Variants in UNC5C observed in about 807,000 individuals in gnomAD.
UNC5C encodes netrin receptor UNC5C.
Under a neutral mutation model 99.8 loss-of-function variants are expected in UNC5C, and 47 were observed. That is an observed-to-expected ratio of 0.47 (90% CI 0.37 to 0.60). The LOEUF is 0.60. Ranked by LOEUF, UNC5C falls within the 20% of genes least tolerant of loss-of-function variation. The probability of loss-of-function intolerance (pLI) is 0.00; values close to 1 mark genes in which losing one functional copy is unlikely to be tolerated. For missense variants in UNC5C, 1,062 were observed against 1,165.9 expected, an observed-to-expected ratio of 0.91 and a Z score of 1.30; for synonymous variants, 487 against 452.2, an observed-to-expected ratio of 1.08 and a Z score of -0.98.
chr4:95,399,661 C>T (rs908040435), intron 1 of UNC5C, among the ~76,000 whole-genome samples: 9 of 152,190 alleles, frequency 5.9e-5, no homozygotes, highest in Admixed American at 5.2e-4. Context: ...CTCAAGTTTT[C>T]TTCCTCTTGA....
At chr4:95,419,935 T>A (rs1746271492) in intron 1 of UNC5C, among the ~76,000 whole-genome samples, 1 of 152,192 alleles carries the variant, frequency 6.6e-6, no homozygotes, top group Non-Finnish European at 1.5e-5. Flanking sequence ...AGGATGGATA[T>A]TTTTTACAAT....
At chr4:95,286,604 G>A (rs1182246723) in intron 3 of UNC5C, among the ~76,000 whole-genome samples, 1 of 152,178 alleles carries the variant, frequency 6.6e-6, no homozygotes, top group African/African-American at 2.4e-5. Context: ...CAGGACTTGA[G>A]TTTCATATGT....
Position 95,241,368 on chromosome 4 carries a change from A to G in UNC5C, c.1108+1061T>C, listed in dbSNP as rs151103831. Among the ~76,000 whole-genome samples the G allele has an allele frequency of 6.1e-3, 936 of 152,344 alleles. 6 individuals carry two copies. The highest frequency in any genetic ancestry group is 0.022 in the African/African-American group (897 of 41,570). ...TGGATTTTTATTCTGTGTGAGCAAC[A>G]TAATTGTTTATTTGTATTTTAAGTA... On this transcript the variant is annotated intron_variant, in intron 7 of 15. Coordinates refer to ENST00000453304, the MANE Select transcript of UNC5C (RefSeq NM_003728.4).
At chr4:95,287,341 T>G (rs1741273770) in intron 3 of UNC5C, among the ~76,000 whole-genome samples, 1 of 152,206 alleles carries the variant, frequency 6.6e-6, no homozygotes, top group African/African-American at 2.4e-5. Context: ...AGAAAAAGCT[T>G]CTTGATGGCT....
chr4:95,234,782 A>G (rs1384073792), intron 7 of UNC5C, among the ~76,000 whole-genome samples: 4 of 152,208 alleles, frequency 2.6e-5, no homozygotes, highest in Admixed American at 2.6e-4. Flanking sequence ...AGTGTAATAC[A>G]TATATATTAT....
chr4:95,248,578 A>C (rs1401966730), intron 5 of UNC5C: 1 of 455,904 alleles, frequency 2.2e-6, no homozygotes, highest in South Asian at 1.6e-5. Context: ...AAGAGACAGG[A>C]CTAGCAGAGT....
At chr4:95,216,260 A>C in intron 9 of UNC5C, 49 bp from the exon 10 acceptor site, 1 of 1,471,992 alleles carries the variant, frequency 6.8e-7, no homozygotes, top group Non-Finnish European at 9.4e-7. Context: ...TGCAGCACGT[A>C]AAAGGGAATG....
chr4:95,451,317 T>G (rs1747273685), intron 1 of UNC5C, among the ~76,000 whole-genome samples: 2 of 152,318 alleles, frequency 1.3e-5, no homozygotes, highest in South Asian at 4.1e-4. Context: ...TACAGCTTAG[T>G]AAAGTGATAT....
At chr4:95,407,920 AAC>A (rs1396095512) in intron 1 of UNC5C, among the ~76,000 whole-genome samples, 1 of 152,192 alleles carries the variant, frequency 6.6e-6, no homozygotes, top group Non-Finnish European at 1.5e-5. Flanking sequence ...TAATAGAATA[AAC>A]ACTTTACTTA....
intron 1 of UNC5C, among the ~76,000 whole-genome samples, chr4:95,450,667 C>T (rs866764125): frequency 2.0e-5 from 3 of 152,152 alleles, no homozygotes; most frequent in African/African-American, 4.8e-5. Context: ...ATAAGAGTGA[C>T]GTGTTTCCAC....
At chr4:95,241,178 A>T (rs1475185696) in intron 7 of UNC5C, among the ~76,000 whole-genome samples, 1 of 152,206 alleles carries the variant, frequency 6.6e-6, no homozygotes, top group East Asian at 1.9e-4. Flanking sequence ...ACCTCTAGAT[A>T]AATGGTTAGC....
At chr4:95,334,323 T>C (rs1743242808) in intron 2 of UNC5C, among the ~76,000 whole-genome samples, 1 of 152,020 alleles carries the variant, frequency 6.6e-6, no homozygotes, top group African/African-American at 2.4e-5. Context: ...TTATTTACAA[T>C]TTGGATTTTG....
intron 1 of UNC5C, among the ~76,000 whole-genome samples, chr4:95,424,373 C>T (rs370262177): frequency 1.5e-4 from 22 of 151,646 alleles, no homozygotes; most frequent in African/African-American, 5.1e-4. Flanking sequence ...TAGGAAATAC[C>T]GATTTCTCAC....
intron 1 of UNC5C, among the ~76,000 whole-genome samples, chr4:95,515,545 A>G (rs1447457897): frequency 1.3e-5 from 2 of 152,218 alleles, no homozygotes; most frequent in African/African-American, 4.8e-5. Context: ...TAGCTGAGGA[A>G]AATGGATAAT....
intron 1 of UNC5C, among the ~76,000 whole-genome samples, chr4:95,445,130 T>A (rs1325141718): frequency 6.6e-6 from 1 of 152,178 alleles, no homozygotes; most frequent in Non-Finnish European, 1.5e-5. Flanking sequence ...TTTTCTATTT[T>A]TGTAATGGAG....
chr4:95,193,946 C>T lies in UNC5C; in HGVS notation c.2137-8750G>A, dbSNP rs536458912. On this transcript the variant is annotated intron_variant, in intron 12 of 15. Coordinates refer to ENST00000453304, the MANE Select transcript of UNC5C (RefSeq NM_003728.4). Reference sequence around the variant, plus strand: ...CTTCCTGTGTTCACGCCAGGGTGCTCTGCTCTCCCCCTGAGTTTGTCTGCC... The same window carrying T: ...CTTCCTGTGTTCACGCCAGGGTGCTTTGCTCTCCCCCTGAGTTTGTCTGCC... 8.6e-5 allele frequency among the ~76,000 whole-genome samples: 13 copies of T among 151,758 alleles called. No individual in the cohort carries two copies. The East Asian group carries it at 2.1e-3, about 25-fold the overall frequency.
intron 12 of UNC5C, 26 bp downstream of exon 12, chr4:95,202,705 G>A (rs1737725773): frequency 1.9e-6 from 3 of 1,607,214 alleles, no homozygotes; most frequent in Non-Finnish European, 2.6e-6. Flanking sequence ...GAGGTGAAGA[G>A]GGCAGGCTAG....
intron 1 of UNC5C, among the ~76,000 whole-genome samples, chr4:95,504,493 A>G (rs1264255623): frequency 6.6e-6 from 1 of 152,166 alleles, no homozygotes; most frequent in Non-Finnish European, 1.5e-5. Context: ...TAAACTTCTC[A>G]ATAGCACTCT....
At chr4:95,385,279 C>A (rs1278826839) in intron 1 of UNC5C, among the ~76,000 whole-genome samples, 1 of 152,110 alleles carries the variant, frequency 6.6e-6, no homozygotes, top group East Asian at 1.9e-4. Context: ...CGGAAGTGCT[C>A]GTAACCTATA....
Sources: allele counts gnomAD v4.1 joint callset (sites outside exome capture counted in the v4.1 genomes callset), GRCh38; gene constraint gnomAD v4.1.1; transcripts MANE v1.5; gene names NCBI Gene and HGNC (gene_info 2026-07-23, HGNC 2026-07-21).